Variants in SCARA3 observed in about 807,000 individuals in gnomAD.
SCARA3 encodes the protein cellular stress response gene protein.
Under a neutral mutation model 47.0 loss-of-function variants are expected in SCARA3, and 39 were observed. The observed-to-expected ratio is 0.83, with a 90% CI of 0.64 to 1.08. The LOEUF (loss-of-function observed/expected upper bound fraction) is 1.08. Among genes scored for constraint, SCARA3 ranks in the 50% least tolerant of loss-of-function variants. SCARA3 has a pLI of 0.00. For missense variants in SCARA3, 724 were observed against 792.3 expected (o/e 0.91, Z 1.04); for synonymous variants, 356 against 334.1 (o/e 1.07, Z -0.71).
Position 27,671,723 on chromosome 8 carries a change from T to C in SCARA3, c.*372T>C, listed in dbSNP as rs1161132260. 1.9e-6 allele frequency: 2 copies of C among 1,038,554 alleles called. No individual in the cohort carries two copies. The highest frequency in any genetic ancestry group is 3.4e-5 in the African/African-American group (2 of 58,402). 64.3% of individuals were successfully genotyped at this position (1,038,554 alleles called of 1,614,324 possible). On this transcript the variant is annotated 3_prime_UTR_variant, in exon 6 of 6. Transcript: ENST00000301904. ...GCACACATGCATGCACACATACACA[T>C]GCACACACACATGCACACATATATG...
chr8:27,646,043 G>A (rs10503815), intron 1 of SCARA3, among the ~76,000 whole-genome samples: 11,276 of 152,262 alleles, frequency 0.074, 472 homozygotes, highest in African/African-American at 0.091. Context: ...ACAGTGGTGA[G>A]TTACTACAGC....
rs1196132554 is a variant in SCARA3 at position 27,659,299 on chromosome 8, T to C, written c.1129T>C (p.Tyr377His). 2 of 1,614,082 alleles carry C rather than the reference T, an allele frequency of 1.2e-6. No individual in the cohort carries two copies. The highest frequency in any genetic ancestry group is 1.7e-6 in the Non-Finnish European group (2 of 1,180,016). ...TDNHVHSMLK[Y>H]LDDVRLSCTL... Reference sequence around the variant, plus strand: ...CAACCACGTGCACAGCATGCTCAAGTACCTGGATGACGTGCGGCTCTCCTG... The same window carrying C: ...CAACCACGTGCACAGCATGCTCAAGCACCTGGATGACGTGCGGCTCTCCTG... The change falls in exon 5 of 6, where the codon TAC becomes CAC. Residue 377 changes from tyrosine to histidine, a missense_variant. Coordinates refer to ENST00000301904, the MANE Select transcript of SCARA3 (RefSeq NM_016240.3).
At chr8:27,644,257 T>C (rs1801445201) in intron 1 of SCARA3, among the ~76,000 whole-genome samples, 1 of 152,194 alleles carries the variant, frequency 6.6e-6, no homozygotes, top group Admixed American at 6.5e-5. Flanking sequence ...TTAACTTTTT[T>C]TTCTAAGCAC....
chr8:27,706,236 A>C, the SCARA3 span, among the ~76,000 whole-genome samples: 4 of 152,202 alleles, frequency 2.6e-5, no homozygotes, highest in African/African-American at 9.6e-5. Context: ...ACTCACTGCA[A>C]ACTCTGCCTC....
intron 1 of SCARA3, among the ~76,000 whole-genome samples, chr8:27,635,401 T>C (rs1471170648): frequency 2.0e-5 from 3 of 152,240 alleles, no homozygotes; most frequent in Non-Finnish European, 4.4e-5. Context: ...GTCCCACACT[T>C]GGTTTAATGC....
At chr8:27,676,532 A>G, downstream of SCARA3, 1 of 1,608,038 alleles carries the variant, frequency 6.2e-7, no homozygotes, top group Non-Finnish European at 8.5e-7. Flanking sequence ...CAAACTATTA[A>G]ATATTAGAAC....
chr8:27,673,647 C>T (rs1196929178), downstream of SCARA3, among the ~76,000 whole-genome samples: 1 of 152,144 alleles, frequency 6.6e-6, no homozygotes, highest in Non-Finnish European at 1.5e-5. Context: ...ACCGCTTCCT[C>T]TATAGTGAGT....
the SCARA3 span, among the ~76,000 whole-genome samples, chr8:27,714,484 C>T: frequency 2.1e-4 from 32 of 152,042 alleles, 2 homozygotes; most frequent in African/African-American, 7.3e-4. Flanking sequence ...TGAGCCACCA[C>T]GCCGGGCCTC....
At position 27,671,067 on chromosome 8, in the gene SCARA3, G is replaced by C. The variant is rs759949246; in HGVS notation, c.1537G>C (p.Val513Leu). Residue 513 changes from valine to leucine, a missense_variant, in exon 6 of 6, where the codon GTT becomes CTT. Coordinates refer to ENST00000301904, the MANE Select transcript of SCARA3 (RefSeq NM_016240.3). The stretch of plus-strand genomic sequence containing the variant: ...CGGGCCTGTGGGAGAAAGGGGCCCT[G>C]TTGGCCCTCGAGGGTTCCCAGGCCT... ...EAGPVGERGP[V>L]GPRGFPGLKG... 1.2e-6 allele frequency: 2 copies of C among 1,611,872 alleles called. No individual in the cohort carries two copies. Among genetic ancestry groups the C allele is most frequent in the Admixed American group, 1.7e-5 (1 of 59,710 alleles).
At position 27,651,619 on chromosome 8, in the gene SCARA3, C is replaced by A; in HGVS notation, c.218C>A (p.Ala73Asp). The change falls in exon 3 of 6, where the codon GCC (alanine) becomes GAC (aspartate). Residue 73 changes from alanine to aspartate, a missense_variant. Physicochemically the swap from Ala to Asp is moderately radical, Grantham distance 126 (BLOSUM62 -2). Coordinates refer to ENST00000301904, the MANE Select transcript of SCARA3 (RefSeq NM_016240.3). Reference sequence around the variant, plus strand: ...CTCCTGGTGGCCGTGGCTGTGTTGGCCTCTCTGGGTGAGTCCGGGGCTTTC... The same window carrying A: ...CTCCTGGTGGCCGTGGCTGTGTTGGACTCTCTGGGTGAGTCCGGGGCTTTC... ...ALLLVAVAVLASLVFRKVDSL... is the reference protein window; with the variant it reads ...ALLLVAVAVLDSLVFRKVDSL... 6.2e-7 allele frequency: 1 copy of A among 1,614,038 alleles called. No individual in the cohort carries two copies. Among genetic ancestry groups the A allele is most frequent in the Non-Finnish European group, 8.5e-7 (1 of 1,179,988 alleles).
chr8:27,726,297 T>G, the SCARA3 span, among the ~76,000 whole-genome samples: 1 of 152,174 alleles, frequency 6.6e-6, no homozygotes, highest in Non-Finnish European at 1.5e-5. Flanking sequence ...TCACAGCTAC[T>G]CAGGAGGCTG....
At chr8:27,677,894 A>G (rs1802302633), downstream of SCARA3, among the ~76,000 whole-genome samples, 1 of 152,242 alleles carries the variant, frequency 6.6e-6, no homozygotes, top group Admixed American at 6.5e-5. Context: ...GCACAGAAAG[A>G]TATCTACTGT....
At chr8:27,668,667 C>T (rs34980372) in intron 5 of SCARA3, among the ~76,000 whole-genome samples, 14,942 of 151,996 alleles carry the variant, frequency 0.098, 874 homozygotes, top group East Asian at 0.26. Context: ...TGAGACCAGC[C>T]TGGGCAACAT....
At chr8:27,700,381 CAA>C in the SCARA3 span, among the ~76,000 whole-genome samples, 5 of 152,030 alleles carry the variant, frequency 3.3e-5, no homozygotes, top group African/African-American at 1.2e-4. Context: ...CCGAGATGGG[CAA>C]ATCACTGGAG....
the SCARA3 span, among the ~76,000 whole-genome samples, chr8:27,721,374 G>A: frequency 6.6e-6 from 1 of 152,170 alleles, no homozygotes; most frequent in Non-Finnish European, 1.5e-5. Flanking sequence ...GGACAGAGAA[G>A]TAACAAACAT....
Position 27,634,164 on chromosome 8 carries a change from G to A in SCARA3, c.-37G>A, listed in dbSNP as rs777459677. 1 of 1,449,522 alleles carries A rather than the reference G, an allele frequency of 6.9e-7. No individual in the cohort carries two copies. The highest frequency in any genetic ancestry group is 2.5e-5 in the Admixed American group (1 of 40,114). The allele number at this position is 1,449,522 out of a possible 1,614,324, so 89.8% of individuals were successfully genotyped here. On this transcript the variant is annotated 5_prime_UTR_variant, in exon 1 of 6. Transcript: ENST00000301904. ...GGCTCCACTACAGCTCCAGCCGCCTGCAGCGGGGCCCTCCTGAGGCCCCAG... is the reference window on the plus strand; with the variant it reads ...GGCTCCACTACAGCTCCAGCCGCCTACAGCGGGGCCCTCCTGAGGCCCCAG...
chr8:27,684,664 CAAA>C, the SCARA3 span, among the ~76,000 whole-genome samples: 22 of 141,402 alleles, frequency 1.6e-4, no homozygotes, highest in Admixed American at 1.4e-4. Flanking sequence ...AAGGCTGTGT[CAAA>C]AAAAAAAAAA....
the SCARA3 span, among the ~76,000 whole-genome samples, chr8:27,688,956 G>T: frequency 3.4e-4 from 51 of 152,216 alleles, 2 homozygotes; most frequent in South Asian, 0.011. Flanking sequence ...TTAAAAGTAT[G>T]ATATATTTCA....
intron 5 of SCARA3, among the ~76,000 whole-genome samples, chr8:27,661,854 G>A (rs1801919773): frequency 6.6e-6 from 1 of 152,128 alleles, no homozygotes; most frequent in African/African-American, 2.4e-5. Context: ...TTACTCACAG[G>A]ACATGTAATA....
Sources: allele counts gnomAD v4.1 joint callset (sites outside exome capture counted in the v4.1 genomes callset), GRCh38; gene constraint gnomAD v4.1.1; transcripts MANE v1.5; gene names NCBI Gene and HGNC (gene_info 2026-07-23, HGNC 2026-07-21).